The following DLGAP1 variants were observed in gnomAD, a reference collection of about 807,000 sequenced individuals.
DLGAP1 encodes the protein disks large-associated protein 1.
DLGAP1 carries 11 observed loss-of-function variants against 90.8 expected under a neutral mutation model. The ratio of observed to expected loss-of-function variants is 0.12; its 90% CI spans 0.08 to 0.20. The LOEUF (loss-of-function observed/expected upper bound fraction) is 0.20. Among genes scored for constraint, DLGAP1 ranks in the 10% least tolerant of loss-of-function variants. DLGAP1 has a pLI of 1.00. For synonymous variants in DLGAP1, 558 were observed against 540.7 expected (o/e 1.03, Z -0.44); for missense variants, 1,050 against 1,333.8 (o/e 0.79, Z 3.31).
intron 7 of DLGAP1, among the ~76,000 whole-genome samples, chr18:3,632,794 A>G (rs1392922135): frequency 6.6e-6 from 1 of 152,142 alleles, no homozygotes; most frequent in African/African-American, 2.4e-5. Context: ...GAAATATATC[A>G]TTCATGGCTT....
intron 7 of DLGAP1, among the ~76,000 whole-genome samples, chr18:3,699,467 G>A (rs2061204758): frequency 1.3e-5 from 2 of 152,172 alleles, no homozygotes; most frequent in Admixed American, 6.5e-5. Context: ...ATCACCAGCG[G>A]AGGCTGCAGA....
At chr18:3,812,220 T>C (rs984888192) in intron 5 of DLGAP1, among the ~76,000 whole-genome samples, 10 of 152,160 alleles carry the variant, frequency 6.6e-5, no homozygotes, top group Non-Finnish European at 1.3e-4. Context: ...TAGAAGAATT[T>C]TTTTTTCAGA....
intron 2 of DLGAP1, among the ~76,000 whole-genome samples, chr18:4,130,826 G>A (rs542329809): frequency 6.6e-6 from 1 of 152,290 alleles, no homozygotes; most frequent in African/African-American, 2.4e-5. Context: ...ATGGAGGACA[G>A]AGGAGGCAGG....
chr18:3,886,676 A>G (rs959828084), intron 3 of DLGAP1, among the ~76,000 whole-genome samples: 1 of 152,190 alleles, frequency 6.6e-6, no homozygotes, highest in Non-Finnish European at 1.5e-5. Flanking sequence ...ACCTGCCAGA[A>G]GCTTGTCCAT....
chr18:4,096,451 T>A (rs2075680888), intron 2 of DLGAP1, among the ~76,000 whole-genome samples: 1 of 152,184 alleles, frequency 6.6e-6, no homozygotes, highest in African/African-American at 2.4e-5. Flanking sequence ...AAAACCTGTA[T>A]ATATTTCTCA....
At chr18:3,993,668 A>G (rs779729788) in intron 3 of DLGAP1, among the ~76,000 whole-genome samples, 1 of 152,136 alleles carries the variant, frequency 6.6e-6, no homozygotes, top group East Asian at 1.9e-4. Flanking sequence ...CGTGGTCCAG[A>G]CTGGGGATGA....
At chr18:4,445,967 A>C (rs2083654485) in intron 1 of DLGAP1, among the ~76,000 whole-genome samples, 1 of 152,112 alleles carries the variant, frequency 6.6e-6, no homozygotes, top group African/African-American at 2.4e-5. Context: ...AAAGGGAAAG[A>C]AAACCCCTGA....
chr18:3,719,405 A>C (rs1230775746), intron 7 of DLGAP1, among the ~76,000 whole-genome samples: 1 of 151,862 alleles, frequency 6.6e-6, no homozygotes, highest in African/African-American at 2.4e-5. Context: ...AAAAATACAA[A>C]AAATTAGCCG....
rs532176912 is a variant in DLGAP1 at position 4,387,805 on chromosome 18, C to T, written c.-267+67201G>A. Among the ~76,000 whole-genome samples, 32 of 152,206 alleles carry T rather than the reference C, an allele frequency of 2.1e-4. No homozygotes were observed. The East Asian group carries it at 4.3e-3, about 20-fold the overall frequency. Reference sequence around the variant, plus strand: ...AATTAGTCGGGCATGGTGGTGTGTGCCTGTAGTCCCAGCTACTTGGGAGGC... The same window carrying T: ...AATTAGTCGGGCATGGTGGTGTGTGTCTGTAGTCCCAGCTACTTGGGAGGC... On this transcript the variant is annotated intron_variant, in intron 1 of 12. Transcript: ENST00000315677.
chr18:3,535,940 C>G (rs1378039870), intron 9 of DLGAP1, among the ~76,000 whole-genome samples: 4 of 151,948 alleles, frequency 2.6e-5, no homozygotes, highest in African/African-American at 9.7e-5. Flanking sequence ...GAGGCTGAGG[C>G]AGGAGAATCG....
intron 7 of DLGAP1, among the ~76,000 whole-genome samples, chr18:3,692,577 C>G (rs1268810683): frequency 2.0e-5 from 3 of 151,876 alleles, no homozygotes; most frequent in South Asian, 4.2e-4. Context: ...TGGTTCAGGT[C>G]TTGGGAAGTT....
At chr18:3,549,566 C>G (rs960397724) in intron 9 of DLGAP1, among the ~76,000 whole-genome samples, 53 of 152,224 alleles carry the variant, frequency 3.5e-4, no homozygotes, top group African/African-American at 1.3e-3. Flanking sequence ...ATCCTGACCT[C>G]GTGATCCACC....
intron 1 of DLGAP1, among the ~76,000 whole-genome samples, chr18:4,269,490 AC>A (rs1240954060): frequency 1.3e-5 from 2 of 151,630 alleles, no homozygotes; most frequent in Non-Finnish European, 2.9e-5. Context: ...AGTAGCTGGG[AC>A]TACAGGAGCC....
intron 7 of DLGAP1, among the ~76,000 whole-genome samples, chr18:3,675,421 C>A (rs993914807): frequency 1.3e-5 from 2 of 152,112 alleles, no homozygotes; most frequent in African/African-American, 4.8e-5. Flanking sequence ...CTCTACAACA[C>A]GATTAAATAT....
At chr18:4,059,475 G>A (rs1408014059) in intron 2 of DLGAP1, among the ~76,000 whole-genome samples, 1 of 152,172 alleles carries the variant, frequency 6.6e-6, no homozygotes, top group Non-Finnish European at 1.5e-5. Flanking sequence ...ACTTTGGGAG[G>A]CCAAGACAGG....
chr18:4,356,165 G>A (rs933160650), intron 1 of DLGAP1, among the ~76,000 whole-genome samples: 5 of 151,294 alleles, frequency 3.3e-5, no homozygotes, highest in African/African-American at 9.7e-5. Context: ...GGACTCTCCC[G>A]ATTTTTTTTT....
chr18:3,580,466 C>G, intron 8 of DLGAP1: 1 of 1,611,496 alleles, frequency 6.2e-7, no homozygotes, highest in Admixed American at 1.7e-5. Flanking sequence ...CCTCAGCCGC[C>G]ACCTCTTCAT....
At chr18:3,880,587 G>A (rs2148827180) in intron 3 of DLGAP1, among the ~76,000 whole-genome samples, 1 of 152,298 alleles carries the variant, frequency 6.6e-6, no homozygotes, top group Middle Eastern at 3.4e-3. Context: ...TGTCACCTCT[G>A]TGGGGCAGGA....
At chr18:3,652,412 C>G (rs2059347795) in intron 7 of DLGAP1, among the ~76,000 whole-genome samples, 1 of 152,134 alleles carries the variant, frequency 6.6e-6, no homozygotes, top group Non-Finnish European at 1.5e-5. Context: ...ACTGTAGCCT[C>G]AAACTCTTGA....
Sources: gnomAD v4.1 joint callset for allele counts (sites outside exome capture counted in the v4.1 genomes callset) on GRCh38, gnomAD v4.1.1 for gene constraint, MANE v1.5 for transcripts, NCBI Gene and HGNC (gene_info 2026-07-23, HGNC 2026-07-21) for gene names.